DNAH8: variants seen among roughly 807,000 people sequenced by gnomAD.
DNAH8 encodes axonemal beta dynein heavy chain 8.
A neutral mutation model predicts 562.1 loss-of-function variants in DNAH8; 382 were observed. The observed-to-expected ratio is 0.68, with a 90% CI of 0.63 to 0.74. DNAH8 has a LOEUF of 0.74. Among genes scored for constraint, DNAH8 ranks in the 30% least tolerant of loss-of-function variants. The pLI, the probability that DNAH8 is intolerant of heterozygous loss-of-function variation, is 0.00. For missense variants in DNAH8, 5,203 were observed against 5,620.4 expected (o/e 0.93, Z 2.37); for synonymous variants, 1,881 against 1,919.4 (o/e 0.98, Z 0.52).
rs1698996 is a variant in DNAH8, at chr6:38,734,436, G to A, written c.611-38G>A. ...AGTAACTTATCTCATTTGATTAGTT[G>A]TGTGATTATACGCTAAGTTCTTGAC... On this transcript the variant is annotated intron_variant, in intron 4 of 92. Coordinates refer to ENST00000327475, the MANE Select transcript of DNAH8 (RefSeq NM_001206927.2). 504,817 of 1,602,644 alleles carry A rather than the reference G, an allele frequency of 0.31. 84,039 individuals are homozygous for A. Among genetic ancestry groups the A allele is most frequent in the Non-Finnish European group, 0.35 (409,916 of 1,175,460 alleles).
In DNAH8 at chr6:38,866,740, T is replaced by G. The variant is rs549135784; in HGVS notation, c.6586-29T>G. ...TTCTTTACTTGTTTTTCACTAAAGT[T>G]GAAAAAAACTCACTATATTAATTTT... On this transcript the variant is annotated intron_variant, in intron 46 of 92. Coordinates refer to ENST00000327475, the MANE Select transcript of DNAH8 (RefSeq NM_001206927.2). 36 of 1,601,006 alleles carry G rather than the reference T, an allele frequency of 2.2e-5. No individual in the cohort carries two copies. The Admixed American group carries it at 3.4e-4, about 15-fold the overall frequency.
chr6:38,950,785 C>A (rs779688043), intron 81 of DNAH8, among the ~76,000 whole-genome samples: 1 of 151,290 alleles, frequency 6.6e-6, no homozygotes, highest in Non-Finnish European at 1.5e-5. Flanking sequence ...TTTTTTAATC[C>A]GTCACTTAAA....
chr6:38,811,547 T>G (rs1771794578), intron 24 of DNAH8, among the ~76,000 whole-genome samples: 1 of 152,254 alleles, frequency 6.6e-6, no homozygotes, highest in African/African-American at 2.4e-5. Context: ...ATCCTCCAGA[T>G]ATGGTATTAT....
chr6:38,734,968 T>C (rs559570373), intron 5 of DNAH8, among the ~76,000 whole-genome samples: 2 of 152,334 alleles, frequency 1.3e-5, no homozygotes. Flanking sequence ...AAGGGAGAGT[T>C]GTCCTAGAGC....
intron 66 of DNAH8, 116 bp from the exon 67 acceptor site, chr6:38,913,733 T>G: frequency 1.7e-6 from 1 of 592,670 alleles, no homozygotes. Context: ...TTGTCTACAA[T>G]TTTGTGTTTG....
chr6:39,016,578 A>G (rs1196645746), intron 91 of DNAH8, among the ~76,000 whole-genome samples: 1 of 151,930 alleles, frequency 6.6e-6, no homozygotes, highest in Non-Finnish European at 1.5e-5. Context: ...AAAAAGCCCT[A>G]CATATTTAAG....
chr6:39,025,501 C>T (rs1767211548), intron 91 of DNAH8, among the ~76,000 whole-genome samples: 1 of 152,194 alleles, frequency 6.6e-6, no homozygotes, highest in Non-Finnish European at 1.5e-5. Flanking sequence ...CCAAGTGTCT[C>T]ATTTAATAAT....
chr6:38,908,112 T>G lies in DNAH8; in HGVS notation c.9505T>G (p.Phe3169Val), dbSNP rs1268755618. Reference protein sequence around the residue: ...SRKNLHVVLCFSPVGEKFRAR... With the variant: ...SRKNLHVVLCVSPVGEKFRAR... ...GAAGAACTTACATGTTGTTCTCTGC[T>G]TTTCTCCAGTAAGTTTTTATTTTTA... The change falls in exon 64 of 93, where the codon TTT (phenylalanine) becomes GTT (valine). Residue 3169 changes from phenylalanine (F) to valine (V), a missense_variant. Physicochemically the swap from Phe to Val is conservative, Grantham distance 50. Coordinates refer to ENST00000327475, the MANE Select transcript of DNAH8 (RefSeq NM_001206927.2). 3.2e-6 allele frequency: 5 copies of G among 1,558,786 alleles called. No individual in the cohort carries two copies. The highest frequency in any genetic ancestry group is 4.3e-6 in the Non-Finnish European group (5 of 1,154,478).
At chr6:38,819,431 AC>A (rs1220069364) in intron 26 of DNAH8, among the ~76,000 whole-genome samples, 1 of 152,054 alleles carries the variant, frequency 6.6e-6, no homozygotes, top group Non-Finnish European at 1.5e-5. Context: ...TATACATTTT[AC>A]CTATTTCTTG....
chr6:38,729,921 T>A lies in DNAH8; in HGVS notation c.545T>A (p.Phe182Tyr). 6.3e-7 allele frequency: 1 copy of A among 1,585,314 alleles called. No individual in the cohort carries two copies. The highest frequency in any genetic ancestry group is 8.6e-7 in the Non-Finnish European group (1 of 1,158,352). Residue 182 changes from phenylalanine to tyrosine, a missense_variant, in exon 4 of 93, where the codon TTT becomes TAT. Around this residue, in one of 6 missense-constraint regions of DNAH8, gnomAD observed 556 missense variants for 496.9 expected, o/e 1.12. Coordinates refer to ENST00000327475, the MANE Select transcript of DNAH8 (RefSeq NM_001206927.2). ...DCPSLEAFTN[F>Y]FAKDGCKTLK... Reference sequence around the variant, plus strand: ...TAACAGCTGGAAGCATTTACTAATTTTTTTGCGAAAGATGGTTGTAAGACA... The same window carrying A: ...TAACAGCTGGAAGCATTTACTAATTATTTTGCGAAAGATGGTTGTAAGACA...
In DNAH8 at chr6:38,806,057, G is replaced by T. The variant is rs1196905894; in HGVS notation, c.3150+461G>T. Among the ~76,000 whole-genome samples the T allele has an allele frequency of 2.0e-5, 3 of 152,154 alleles. No homozygotes were observed. In the East Asian group the frequency reaches 5.8e-4, roughly 29 times the overall value. On this transcript the variant is annotated intron_variant, in intron 23 of 92. Transcript: ENST00000327475. ...CTCCCCCAGGAGAAGCCCTAGATAG[G>T]CAGATTTTCACATTGAGTTGAAATG...
intron 89 of DNAH8, among the ~76,000 whole-genome samples, chr6:39,009,302 A>C (rs1284261402): frequency 0.091 from 1,528 of 16,702 alleles, 35 homozygotes; most frequent in East Asian, 0.4. Context: ...AAGCTGTGCT[A>C]AAAAAAAAAA....
intron 92 of DNAH8, 43 bp downstream of exon 92, chr6:39,026,710 A>C: frequency 6.2e-7 from 1 of 1,601,422 alleles, no homozygotes; most frequent in East Asian, 2.2e-5. Context: ...CTGGAGCCAG[A>C]GCTGAAATTT....
At chr6:38,927,418 G>C (rs1358768860) in intron 74 of DNAH8, among the ~76,000 whole-genome samples, 3 of 152,118 alleles carry the variant, frequency 2.0e-5, no homozygotes, top group African/African-American at 7.2e-5. Context: ...TCCAGAACAC[G>C]ATACATCAGT....
intron 68 of DNAH8, 109 bp from the exon 69 acceptor site, chr6:38,917,129 GA>G (rs1781363714): frequency 1.3e-6 from 1 of 768,572 alleles, no homozygotes; most frequent in South Asian, 3.7e-5. Context: ...GAAATGGAGA[GA>G]AAATATGTTT....
intron 43 of DNAH8, among the ~76,000 whole-genome samples, chr6:38,861,264 T>A (rs1776599001): frequency 6.6e-6 from 1 of 152,228 alleles, no homozygotes; most frequent in Non-Finnish European, 1.5e-5. Context: ...TTTTGATTTA[T>A]TGAACCTATC....
intron 82 of DNAH8, among the ~76,000 whole-genome samples, chr6:38,966,751 C>A (rs116130308): frequency 0.015 from 2,261 of 152,296 alleles, 59 homozygotes; most frequent in African/African-American, 0.052. Context: ...TCAACAGATG[C>A]TGTCTTAGTC....
chr6:38,728,798 T>C (rs1309287193), intron 3 of DNAH8, among the ~76,000 whole-genome samples: 1 of 152,154 alleles, frequency 6.6e-6, no homozygotes, highest in Non-Finnish European at 1.5e-5. Flanking sequence ...CATTTTGTGT[T>C]TTTAAAAAGC....
chr6:39,016,113 G>A (rs138792965), intron 91 of DNAH8, among the ~76,000 whole-genome samples: 1 of 152,348 alleles, frequency 6.6e-6, no homozygotes, highest in East Asian at 1.9e-4. Context: ...CCCACTGGAA[G>A]CCTCGCTGGA....
Sources: allele counts gnomAD v4.1 joint callset (sites outside exome capture counted in the v4.1 genomes callset), GRCh38; gene constraint gnomAD v4.1.1; regional missense constraint gnomAD v4.1.1; transcripts MANE v1.5; gene names NCBI Gene and HGNC (gene_info 2026-07-23, HGNC 2026-07-21).